The following KLF8 variants were observed in gnomAD, a reference collection of about 807,000 sequenced individuals.
KLF8 encodes Krueppel-like factor 8.
Under a neutral mutation model 18.2 loss-of-function variants are expected in KLF8, and 10 were observed. That is an observed-to-expected ratio of 0.55 (90% CI 0.34 to 0.93). The LOEUF (loss-of-function observed/expected upper bound fraction) is 0.93, where lower values mean the gene tolerates loss of function less well. KLF8 is among the 40% of genes least tolerant of loss of function. KLF8 has a pLI of 0.02. For missense variants in KLF8, 264 were observed against 277.9 expected, an observed-to-expected ratio of 0.95 and a Z score of 0.36; for synonymous variants, 109 against 97.3, an observed-to-expected ratio of 1.12 and a Z score of -0.71.
chrX:56,141,132 T>A, the KLF8 span, among the ~76,000 whole-genome samples: 1 of 111,098 alleles, frequency 9.0e-6, no homozygotes, highest in Non-Finnish European at 1.9e-5. Flanking sequence ...CCAGGCTAAT[T>A]TTTTTTATAT....
chrX:56,188,241 G>A, the KLF8 span, among the ~76,000 whole-genome samples: 2 of 111,387 alleles, frequency 1.8e-5, no homozygotes, highest in African/African-American at 3.3e-5. Flanking sequence ...CAAACAGACA[G>A]CCAAATCATG....
At chrX:55,998,653 A>G in the KLF8 span, among the ~76,000 whole-genome samples, 1 of 111,687 alleles carries the variant, frequency 9.0e-6, no homozygotes, top group Non-Finnish European at 1.9e-5. Flanking sequence ...CTTAGTACAT[A>G]ACAAAATGGA....
Position 56,270,326 on chromosome X carries a change from G to T in KLF8, c.898+5G>T. ...CTCACCGCAGAATCCATACAGGTCT[G>T]CCCACTCCCATCTCACCCCCAACAC... On this transcript the variant is annotated splice_donor_5th_base_variant and intron_variant, in intron 5 of 5. Coordinates refer to ENST00000468660, the MANE Select transcript of KLF8 (RefSeq NM_007250.5). The T allele has an allele frequency of 8.6e-7, 1 of 1,163,877 alleles. No individual in the cohort carries two copies.
chrX:55,953,572 A>G, the KLF8 span, among the ~76,000 whole-genome samples: 1 of 111,358 alleles, frequency 9.0e-6, no homozygotes, highest in African/African-American at 3.3e-5. Context: ...CCAATTTCAA[A>G]ACTCACTATC....
At position 56,269,005 on chromosome X, in the gene KLF8, A is replaced by AAC. The variant is rs10584898; in HGVS notation, c.647-352_647-351dup. The AAC allele has an allele frequency of 2.2e-3, 1,749 of 791,858 alleles. 2 individuals carry two copies. Among genetic ancestry groups the AAC allele is most frequent in the Admixed American group, 5.9e-3 (100 of 17,073 alleles). 65.3% of individuals were successfully genotyped at this position (791,858 alleles called of 1,213,427 possible). A position where few individuals can be genotyped will look rare whatever the true frequency, so the allele number is the denominator to read the frequency against. The stretch of plus-strand genomic sequence containing the variant: ...AGGAGCTATTCAGTGAGTTCAATTC[A>AAC]ACACACACACACACACACACACGTT... On this transcript the variant is annotated intron_variant, in intron 3 of 5. Coordinates refer to ENST00000468660, the MANE Select transcript of KLF8 (RefSeq NM_007250.5).
chrX:56,125,254 A>T, the KLF8 span, among the ~76,000 whole-genome samples: 1,069 of 111,804 alleles, frequency 9.6e-3, 9 homozygotes, highest in South Asian at 0.031. Flanking sequence ...CATTTGCCTA[A>T]CCTCTGAAAA....
chrX:56,204,194 G>T, the KLF8 span, among the ~76,000 whole-genome samples: 1 of 111,646 alleles, frequency 9.0e-6, no homozygotes, highest in Non-Finnish European at 1.9e-5. Context: ...CATTGTAAAT[G>T]GGATTACTTT....
chrX:56,133,229 C>G, the KLF8 span, among the ~76,000 whole-genome samples: 1 of 111,542 alleles, frequency 9.0e-6, no homozygotes, highest in Non-Finnish European at 1.9e-5. Context: ...AAACTGCAGA[C>G]TGATATCTCT....
chrX:56,261,409 A>G (rs189617906), intron 2 of KLF8, among the ~76,000 whole-genome samples: 2 of 112,054 alleles, frequency 1.8e-5, no homozygotes, highest in Admixed American at 1.9e-4. Context: ...TGACTAGAGA[A>G]CACTTAAAAA....
chrX:56,181,118 A>G, the KLF8 span, among the ~76,000 whole-genome samples: 1 of 111,476 alleles, frequency 9.0e-6, no homozygotes, highest in African/African-American at 3.3e-5. Flanking sequence ...TAGGTCTCTA[A>G]GGACTTTCTT....
the KLF8 span, among the ~76,000 whole-genome samples, chrX:56,056,338 C>A: frequency 4.5e-5 from 5 of 110,193 alleles, no homozygotes; most frequent in East Asian, 1.2e-3. Flanking sequence ...TTTAGGGGAA[C>A]AACACTCTAC....
chrX:55,995,640 C>T, the KLF8 span, among the ~76,000 whole-genome samples: 1 of 111,869 alleles, frequency 8.9e-6, no homozygotes, highest in Admixed American at 9.4e-5. Context: ...ATTTATGAAG[C>T]TTAGTTTGGC....
the KLF8 span, among the ~76,000 whole-genome samples, chrX:55,993,649 A>G: frequency 8.9e-6 from 1 of 111,816 alleles, no homozygotes; most frequent in African/African-American, 3.3e-5. Context: ...TTCCTTCTCA[A>G]TTTTGTGGAA....
the KLF8 span, among the ~76,000 whole-genome samples, chrX:56,180,049 T>G: frequency 9.0e-6 from 1 of 111,664 alleles, no homozygotes; most frequent in Non-Finnish European, 1.9e-5. Flanking sequence ...TTGATTGGAA[T>G]AGTTTCAGAA....
the KLF8 span, among the ~76,000 whole-genome samples, chrX:56,161,771 G>C: frequency 1.8e-5 from 2 of 111,779 alleles, no homozygotes; most frequent in Admixed American, 1.9e-4. Context: ...CTCTCAACTC[G>C]TCAAAGTCAT....
the KLF8 span, among the ~76,000 whole-genome samples, chrX:56,111,427 T>G: frequency 4.5e-5 from 5 of 111,889 alleles, no homozygotes; most frequent in African/African-American, 1.6e-4. Context: ...GGGCAAAGAC[T>G]TCATGACTAA....
the KLF8 span, among the ~76,000 whole-genome samples, chrX:56,111,268 C>T: frequency 1.8e-5 from 2 of 111,874 alleles, no homozygotes; most frequent in African/African-American, 3.2e-5. Context: ...TCAGGATTCT[C>T]TCTTTCTCTT....
the KLF8 span, among the ~76,000 whole-genome samples, chrX:55,987,989 T>C: frequency 8.9e-6 from 1 of 112,681 alleles, no homozygotes; most frequent in Non-Finnish European, 1.9e-5. Flanking sequence ...TTTGGCTGCA[T>C]AAATGCCTTC....
In KLF8 at chrX:56,250,275, G is replaced by A. The variant is rs763410667; in HGVS notation, c.52G>A (p.Glu18Lys). The change falls in exon 2 of 6, where the codon GAA (glutamate) becomes AAA (lysine). Residue 18 changes from glutamate to lysine, a missense_variant. Around this residue, in one of 2 missense-constraint regions of KLF8, gnomAD observed 221 missense variants for 193.6 expected, o/e 1.14. Coordinates refer to ENST00000468660, the MANE Select transcript of KLF8 (RefSeq NM_007250.5). Reference protein sequence around the residue: ...INNLEVQLNSEGGSMQVFKQV... With the variant: ...INNLEVQLNSKGGSMQVFKQV... ...CAACTTGGAGGTCCAACTTAATTCA[G>A]AAGGTGGCTCAATGCAGGTATTCAA... 1.7e-6 allele frequency: 2 copies of A among 1,208,038 alleles called. No homozygotes were observed. Among genetic ancestry groups the A allele is most frequent in the East Asian group, 3.0e-5 (1 of 33,798 alleles).
Sources: gnomAD v4.1 joint callset for allele counts (sites outside exome capture counted in the v4.1 genomes callset) on GRCh38, gnomAD v4.1.1 for gene constraint, gnomAD v4.1.1 regional missense constraint, MANE v1.5 for transcripts, NCBI Gene and HGNC (gene_info 2026-07-23, HGNC 2026-07-21) for gene names.